SCRIB: variants seen among roughly 807,000 people sequenced by gnomAD.
The protein encoded by SCRIB is protein scribble homolog.
A neutral mutation model predicts 170.0 loss-of-function variants in SCRIB; 72 were observed. That is an observed-to-expected ratio of 0.42 (90% CI 0.35 to 0.52). The LOEUF (loss-of-function observed/expected upper bound fraction) is 0.52. Ranked by LOEUF, SCRIB falls within the 20% of genes least tolerant of loss-of-function variation. SCRIB has a pLI of 0.02. For synonymous variants in SCRIB, 1,298 were observed against 1,044.3 expected (o/e 1.24, Z -4.68); for missense variants, 2,475 against 2,338.5 (o/e 1.06, Z -1.20).
chr8:143,795,557 G>T, intron 24 of SCRIB, 27 bp from the exon 25 acceptor site: 1 of 1,574,132 alleles, frequency 6.4e-7, no homozygotes, highest in Non-Finnish European at 8.7e-7. Flanking sequence ...GGGCTAAGAA[G>T]GGGGGACTGC....
intron 24 of SCRIB, among the ~76,000 whole-genome samples, chr8:143,801,787 C>A (rs1554635036): frequency 9.8e-5 from 15 of 152,312 alleles, no homozygotes; most frequent in Non-Finnish European, 1.5e-5. Context: ...CCCGACGCGG[C>A]AGAAATGGTA....
In SCRIB at chr8:143,806,949, G is replaced by A. The variant is rs1028474833; in HGVS notation, c.2243C>T (p.Ser748Phe). The A allele has an allele frequency of 1.9e-6, 3 of 1,613,156 alleles. No homozygotes were observed. The highest frequency in any genetic ancestry group is 2.5e-6 in the Non-Finnish European group (3 of 1,179,632). Residue 748 changes from serine to phenylalanine, a missense_variant, in exon 17 of 37, where the codon TCC becomes TTC. By Grantham distance (155) the Ser-to-Phe change is radical. Coordinates refer to ENST00000356994, the MANE Select transcript of SCRIB (RefSeq NM_182706.5). ...CTCGTCGTCCCCCTTATAGGGTGTG[G>A]AGCCCTTGCCGCCCGCAATGCTGAT... is the stretch of plus-strand genomic sequence containing the variant. The part of the protein sequence containing the change: ...LGISIAGGKG[S>F]TPYKGDDEGI...
chr8:143,813,122 G>A lies in SCRIB; in HGVS notation c.568-18C>T, dbSNP rs756582134. On this transcript the variant is annotated intron_variant, in intron 6 of 36. Transcript: ENST00000356994. The stretch of plus-strand genomic sequence containing the variant: ...GTGTCTGGCTGCAAGAAGGAACAGA[G>A]AAAATAGTGACTATGAGGCAAAGCC... The A allele has an allele frequency of 1.2e-5, 19 of 1,572,192 alleles. No individual in the cohort carries two copies. The highest frequency in any genetic ancestry group is 9.4e-5 in the African/African-American group (7 of 74,172).
At chr8:143,802,322 C>CT (rs1372861653) in intron 24 of SCRIB, among the ~76,000 whole-genome samples, 2 of 152,260 alleles carry the variant, frequency 1.3e-5, no homozygotes, top group African/African-American at 4.8e-5. Flanking sequence ...TCAGGACACT[C>CT]TGTGACTGTC....
chr8:143,812,586 C>T (rs1815792387), intron 8 of SCRIB, among the ~76,000 whole-genome samples: 1 of 152,144 alleles, frequency 6.6e-6, no homozygotes, highest in Non-Finnish European at 1.5e-5. Flanking sequence ...AGTGGCACTG[C>T]CACCCTTCCG....
intron 1 of SCRIB, chr8:143,814,873 T>A (rs1815988687): frequency 3.3e-6 from 1 of 299,916 alleles, no homozygotes; most frequent in Non-Finnish European, 6.2e-6. Context: ...TGGACCCACC[T>A]CCAGAGCGGC....
Position 143,813,833 on chromosome 8 carries a change from C to G in SCRIB, c.341G>C (p.Gly114Ala), listed in dbSNP as rs1157546271. Residue 114 changes from glycine (G) to alanine (A), a missense_variant, in exon 3 of 37, where the codon GGG becomes GCG. Coordinates refer to ENST00000356994, the MANE Select transcript of SCRIB (RefSeq NM_182706.5). ...TGCCACCCACCTGGAGAGGGGGTTC[C>G]CGCTGAAGTCCGCGATCTCCAGAGC... ...CKALEIADFS[G>A]NPLSRLPDGF... is the part of the protein sequence containing the mutation. 1 of 1,609,240 alleles carries G rather than the reference C, an allele frequency of 6.2e-7. No individual in the cohort carries two copies.
intron 21 of SCRIB, 81 bp from the exon 22 acceptor site, chr8:143,804,237 G>A (rs985461808): frequency 1.2e-4 from 126 of 1,067,530 alleles, no homozygotes; most frequent in Non-Finnish European, 1.6e-4. Context: ...AGTCCGTCCC[G>A]GTCCTTGGGG....
At position 143,793,936 on chromosome 8, in the gene SCRIB, C is replaced by T. The variant is rs555968352; in HGVS notation, c.3873G>A (p.Lys1291=). The T allele has an allele frequency of 6.2e-7, 1 of 1,613,564 alleles. No individual in the cohort carries two copies. The highest frequency in any genetic ancestry group is 1.3e-5 in the African/African-American group (1 of 75,044). ...QRVPSGAAGG[K]MAESPCSPSG... ...TAGGGGAGCAGGGAGATTCAGCCATCTTCCCTCCAGCTGCTCCAGACGGTA... is the reference window on the plus strand; with the variant it reads ...TAGGGGAGCAGGGAGATTCAGCCATTTTCCCTCCAGCTGCTCCAGACGGTA... The change falls in exon 28 of 37, where the codon AAG becomes AAA. Residue 1291 remains lysine, a synonymous_variant. Coordinates refer to ENST00000356994, the MANE Select transcript of SCRIB (RefSeq NM_182706.5).
Position 143,792,963 on chromosome 8 carries a change from T to C in SCRIB, c.4017+13A>G. On this transcript the variant is annotated intron_variant, in intron 29 of 36. Transcript: ENST00000356994. ...AACCACGCGCAGCAGGGAGGCGTGC[T>C]GCCCCCACACACCTGGGCAGGGGCA... 2 of 1,499,582 alleles carry C rather than the reference T, an allele frequency of 1.3e-6. No homozygotes were observed. The highest frequency in any genetic ancestry group is 1.8e-6 in the Non-Finnish European group (2 of 1,125,610). 92.9% of individuals were successfully genotyped at this position (1,499,582 alleles called of 1,614,324 possible). A position where few individuals can be genotyped will look rare whatever the true frequency, so the allele number is the denominator to read the frequency against.
At chr8:143,793,986 G>A in intron 27 of SCRIB, 24 bp from the exon 28 acceptor site, 1 of 1,609,702 alleles carries the variant, frequency 6.2e-7, no homozygotes, top group Non-Finnish European at 8.5e-7. Flanking sequence ...CAGTGGGTGG[G>A]GTGAGGATGG....
chr8:143,813,891 G>C lies in SCRIB; in HGVS notation c.283C>G (p.Pro95Ala). 6.2e-7 allele frequency: 1 copy of C among 1,608,088 alleles called. No individual in the cohort carries two copies. The highest frequency in any genetic ancestry group is 8.5e-7 in the Non-Finnish European group (1 of 1,175,980). ...AACTTGATGCTCTCCGGGATCTCAGGGATATCTGTCACAGAGGGTCACAGT... is the reference window on the plus strand; with the variant it reads ...AACTTGATGCTCTCCGGGATCTCAGCGATATCTGTCACAGAGGGTCACAGT... ...VELDVSRNDI[P>A]EIPESIKFCK... Residue 95 changes from proline to alanine, a missense_variant, in exon 3 of 37, where the codon CCT (proline) becomes GCT (alanine). Pro to Ala is a conservative substitution (Grantham distance 27, BLOSUM62 -1). Coordinates refer to ENST00000356994, the MANE Select transcript of SCRIB (RefSeq NM_182706.5).
At position 143,810,490 on chromosome 8, in the gene SCRIB, G is replaced by C. The variant is rs747102185; in HGVS notation, c.1519C>G (p.Pro507Ala). 5 of 1,608,898 alleles carry C rather than the reference G, an allele frequency of 3.1e-6. No individual in the cohort carries two copies. The South Asian group carries it at 5.5e-5, about 18-fold the overall frequency. Reference protein sequence around the residue: ...PCQPDSGSPLPAEEEKRLSAE... With the variant: ...PCQPDSGSPLAAEEEKRLSAE... ...GGCTCCATGCCCACCTCCTCTGCAG[G>C]CAAGGGCGACCCAGAGTCTGGCTGG... is the stretch of plus-strand genomic sequence containing the variant. The change falls in exon 13 of 37, where the codon CCT (proline) becomes GCT (alanine). Residue 507 changes from proline (P) to alanine (A), a missense_variant. Pro to Ala is a conservative substitution (Grantham distance 27). Coordinates refer to ENST00000356994, the MANE Select transcript of SCRIB (RefSeq NM_182706.5).
chr8:143,804,271 T>C (rs1405022678), intron 21 of SCRIB, 115 bp from the exon 22 acceptor site: 9 of 790,826 alleles, frequency 1.1e-5, no homozygotes, highest in Admixed American at 3.0e-5. Flanking sequence ...GCTGCCCTAA[T>C]GCCCACGGGG....
At chr8:143,795,381 T>A (rs1563790347) in intron 25 of SCRIB, 39 bp downstream of exon 25, 1 of 1,612,404 alleles carries the variant, frequency 6.2e-7, no homozygotes, top group South Asian at 1.1e-5. Flanking sequence ...GGCCTCGGGC[T>A]CCCTGGCCCT....
intron 13 of SCRIB, among the ~76,000 whole-genome samples, chr8:143,810,238 C>G (rs1438547291): frequency 1.3e-5 from 2 of 152,180 alleles, no homozygotes; most frequent in Non-Finnish European, 2.9e-5. Context: ...CCAGGCACAC[C>G]CACCACTGGT....
chr8:143,805,604 G>A (rs1815390837), intron 18 of SCRIB, among the ~76,000 whole-genome samples, 169 bp from the exon 19 acceptor site: 1 of 152,178 alleles, frequency 6.6e-6, no homozygotes. Flanking sequence ...GGTTCCTCGT[G>A]GGCACCGACC....
In SCRIB at chr8:143,805,364, G is replaced by A. The variant is rs372919551; in HGVS notation, c.2418C>T (p.Ala806=). ...GCTCCCGCCACACTCGCATCTGCACGGCAGTGCCGGCCCCCCGGAGCGCCT... is the reference window on the plus strand; with the variant it reads ...GCTCCCGCCACACTCGCATCTGCACAGCAGTGCCGGCCCCCCGGAGCGCCT... The part of the protein sequence containing the change: ...AVEALRGAGT[A]VQMRVWRERM... Residue 806 remains alanine (A), a synonymous_variant, in exon 19 of 37, where the codon GCC becomes GCT. Transcript: ENST00000356994. The A allele has an allele frequency of 2.8e-5, 43 of 1,550,436 alleles. No individual in the cohort carries two copies. The African/African-American group carries it at 3.3e-4, about 12-fold the overall frequency.
In SCRIB at chr8:143,795,304, G is replaced by A. The variant is rs559894214; in HGVS notation, c.3744C>T (p.His1248=). ...KEKELPGQTL[H]WGPEATEAAG... is the part of the protein sequence containing the mutation. ...CGGCTTCTGTGGCCTCGGGCCCCCA[G>A]TGCAGGGTCTGTCCAGGCAGCTCCT... is the stretch of plus-strand genomic sequence containing the variant. Residue 1248 remains histidine, a synonymous_variant, in exon 26 of 37, where the codon CAC becomes CAT. Coordinates refer to ENST00000356994, the MANE Select transcript of SCRIB (RefSeq NM_182706.5). 2 of 1,612,720 alleles carry A rather than the reference G, an allele frequency of 1.2e-6. No individual in the cohort carries two copies. The highest frequency in any genetic ancestry group is 1.7e-6 in the Non-Finnish European group (2 of 1,179,904).
Sources: gnomAD v4.1 joint callset for allele counts (sites outside exome capture counted in the v4.1 genomes callset) on GRCh38, gnomAD v4.1.1 for gene constraint, MANE v1.5 for transcripts, NCBI Gene and HGNC (gene_info 2026-07-23, HGNC 2026-07-21) for gene names.